Variants in RAB31 observed in about 807,000 individuals in gnomAD.
The protein encoded by RAB31 is ras-related protein Rab-31.
Under a neutral mutation model 25.6 loss-of-function variants are expected in RAB31, and 21 were observed. The ratio of observed to expected loss-of-function variants is 0.82; its 90% CI spans 0.58 to 1.18. The LOEUF (loss-of-function observed/expected upper bound fraction) is 1.18, where lower values mean the gene tolerates loss of function less well. RAB31 is among the 50% of genes most tolerant of loss of function. The pLI is 0.00. For synonymous variants in RAB31, 87 were observed against 84.0 expected (o/e 1.04, Z -0.20); for missense variants, 196 against 250.1 (o/e 0.78, Z 1.46).
At position 9,767,360 on chromosome 18, in the gene RAB31, G is replaced by A. The variant is rs563273884; in HGVS notation, c.40-7918G>A. Among the ~76,000 whole-genome samples, 8 of 152,296 alleles carry A rather than the reference G, an allele frequency of 5.3e-5. No homozygotes were observed. In the South Asian group the frequency reaches 1.7e-3, roughly 32 times the overall value. The stretch of plus-strand genomic sequence containing the variant: ...GTTATTTCCTGTCCATAAGAATCAT[G>A]TTGATTTATAATGTTATCAGCAATG... On this transcript the variant is annotated intron_variant, in intron 1 of 6. Coordinates refer to ENST00000578921, the MANE Select transcript of RAB31 (RefSeq NM_006868.4).
At chr18:9,842,407 C>T (rs1200403220) in intron 5 of RAB31, among the ~76,000 whole-genome samples, 2 of 152,224 alleles carry the variant, frequency 1.3e-5, no homozygotes, top group Admixed American at 6.5e-5. Context: ...TTCAAGAATA[C>T]CAGAAGACAC....
At chr18:9,848,390 A>G (rs7228840) in intron 6 of RAB31, among the ~76,000 whole-genome samples, 9,235 of 151,910 alleles carry the variant, frequency 0.061, 579 homozygotes, top group African/African-American at 0.16. Context: ...CTGTCTAGTC[A>G]TCTGTCTATC....
intron 3 of RAB31, among the ~76,000 whole-genome samples, chr18:9,812,441 T>C (rs1183666117): frequency 2.6e-5 from 4 of 152,300 alleles, no homozygotes; most frequent in Non-Finnish European, 4.4e-5. Context: ...GCACATTCCA[T>C]GTAGAGTATG....
intron 2 of RAB31, among the ~76,000 whole-genome samples, chr18:9,783,273 T>C (rs2068414649): frequency 6.6e-6 from 1 of 152,156 alleles, no homozygotes; most frequent in East Asian, 1.9e-4. Context: ...TACGGGCTGG[T>C]TCATTGAGTC....
chr18:9,822,874 G>A (rs75267494), intron 5 of RAB31, among the ~76,000 whole-genome samples: 1 of 152,162 alleles, frequency 6.6e-6, no homozygotes, highest in Non-Finnish European at 1.5e-5. Context: ...AAAACTAAAC[G>A]TGCAGTTACC....
At chr18:9,744,052 G>A (rs939263806) in intron 1 of RAB31, among the ~76,000 whole-genome samples, 5 of 152,190 alleles carry the variant, frequency 3.3e-5, no homozygotes, top group Non-Finnish European at 7.3e-5. Flanking sequence ...TTTATTTAGC[G>A]GTGGAGTTGC....
intron 2 of RAB31, among the ~76,000 whole-genome samples, chr18:9,777,955 A>G (rs956887001): frequency 1.3e-5 from 2 of 151,930 alleles, no homozygotes; most frequent in African/African-American, 4.8e-5. Flanking sequence ...GGGTTTCACC[A>G]TGTTGGCCAG....
chr18:9,838,874 C>T (rs937996630), intron 5 of RAB31, among the ~76,000 whole-genome samples: 7 of 152,148 alleles, frequency 4.6e-5, no homozygotes, highest in African/African-American at 7.2e-5. Context: ...CCTCTTGTCC[C>T]GGATCTTTTC....
chr18:9,854,598 G>C (rs144995364), intron 6 of RAB31, among the ~76,000 whole-genome samples: 1 of 152,072 alleles, frequency 6.6e-6, no homozygotes, highest in East Asian at 1.9e-4. Flanking sequence ...AATCCATTCC[G>C]GTCCTTTATA....
intron 3 of RAB31, among the ~76,000 whole-genome samples, chr18:9,810,762 G>C (rs183053356): frequency 3.8e-4 from 58 of 152,224 alleles, no homozygotes; most frequent in African/African-American, 1.4e-3. Context: ...GCTCCTCTTT[G>C]AGCTTGAGTC....
chr18:9,717,808 G>A (rs2068052374), intron 1 of RAB31, among the ~76,000 whole-genome samples: 1 of 152,154 alleles, frequency 6.6e-6, no homozygotes, highest in Non-Finnish European at 1.5e-5. Context: ...GTTCTTGTGT[G>A]TTTGTTTGTT....
intron 1 of RAB31, among the ~76,000 whole-genome samples, chr18:9,750,268 T>A (rs2068227694): frequency 6.6e-6 from 1 of 152,040 alleles, no homozygotes; most frequent in Non-Finnish European, 1.5e-5. Context: ...CAAGATGAAG[T>A]GTAATAGAAA....
chr18:9,777,203 T>C (rs1459512896), intron 2 of RAB31, among the ~76,000 whole-genome samples: 4 of 152,020 alleles, frequency 2.6e-5, no homozygotes, highest in African/African-American at 9.7e-5. Context: ...TAACCAGATG[T>C]GGTGGCACGC....
chr18:9,733,343 T>C lies in RAB31; in HGVS notation c.39+24899T>C, dbSNP rs2145466620. Among the ~76,000 whole-genome samples, 3 of 152,290 alleles carry C rather than the reference T, an allele frequency of 2.0e-5. No homozygotes were observed. In the Middle Eastern group the frequency reaches 0.01, roughly 518 times the overall value. On this transcript the variant is annotated intron_variant, in intron 1 of 6. Transcript: ENST00000578921. ...CACCAGGTTAGAACCATCCGACGTGTGCAGATGTGGCATATATGGTGTATG... is the reference window on the plus strand; with the variant it reads ...CACCAGGTTAGAACCATCCGACGTGCGCAGATGTGGCATATATGGTGTATG...
At chr18:9,723,762 C>T (rs898135903) in intron 1 of RAB31, 1 of 152,108 alleles carries the variant, frequency 6.6e-6, no homozygotes, top group Admixed American at 6.5e-5. Context: ...GACTCTTTAC[C>T]AACCGATTGT....
intron 6 of RAB31, among the ~76,000 whole-genome samples, chr18:9,853,923 A>G (rs73387480): frequency 1.3e-5 from 2 of 149,270 alleles, no homozygotes; most frequent in African/African-American, 4.9e-5. Context: ...AAGCCTAATG[A>G]TTTTTTTTAA....
chr18:9,862,512 AAC>A lies in RAB31; in HGVS notation c.*3194_*3195del, dbSNP rs539923051. 13 of 152,364 alleles carry A rather than the reference AAC, an allele frequency of 8.5e-5. No homozygotes were observed. In the East Asian group the frequency reaches 2.3e-3, roughly 27 times the overall value. The allele number at this position is 152,364 out of a possible 1,614,324, so 9.4% of individuals were successfully genotyped here. ...TAATTGTATCTGTTATTTTTGGTTT[AAC>A]ACACACTGATTCATACTAATAAATA... On this transcript the variant is annotated 3_prime_UTR_variant, in exon 7 of 7. Transcript: ENST00000578921.
At chr18:9,718,386 A>G (rs1338028163) in intron 1 of RAB31, among the ~76,000 whole-genome samples, 1 of 152,036 alleles carries the variant, frequency 6.6e-6, no homozygotes, top group Non-Finnish European at 1.5e-5. Context: ...CAGCCTCCCA[A>G]GTAGCTGGGA....
intron 2 of RAB31, among the ~76,000 whole-genome samples, chr18:9,784,077 C>T (rs570293199): frequency 1.3e-5 from 2 of 152,274 alleles, no homozygotes; most frequent in South Asian, 4.1e-4. Flanking sequence ...TGCTGTGTCA[C>T]CCAAGCTGGA....
Sources: allele counts gnomAD v4.1 joint callset (sites outside exome capture counted in the v4.1 genomes callset), GRCh38; gene constraint gnomAD v4.1.1; transcripts MANE v1.5; gene names NCBI Gene and HGNC (gene_info 2026-07-23, HGNC 2026-07-21).